Variants in CATSPERB observed in about 807,000 individuals in gnomAD.
CATSPERB encodes cation channel sperm-associated auxiliary subunit beta.
A neutral mutation model predicts 128.3 loss-of-function variants in CATSPERB; 93 were observed. That is an observed-to-expected ratio of 0.72 (90% CI 0.61 to 0.86). CATSPERB has a LOEUF of 0.86. CATSPERB is among the 40% of genes least tolerant of loss of function. CATSPERB has a pLI of 0.00. For missense variants in CATSPERB, 1,153 were observed against 1,329.5 expected (o/e 0.87, Z 2.06); for synonymous variants, 381 against 448.8 (o/e 0.85, Z 1.91).
At chr14:91,708,099 G>T (rs1566737103) in intron 6 of CATSPERB, 42 bp downstream of exon 6, 2 of 1,382,408 alleles carry the variant, frequency 1.4e-6, no homozygotes, top group Non-Finnish European at 1.0e-6. Flanking sequence ...TTTGTTGAAA[G>T]AATATATGAA....
rs184691573 is a variant in CATSPERB at position 91,632,256 on chromosome 14, C to T, written c.1742+4169G>A. On this transcript the variant is annotated intron_variant, in intron 17 of 26. Coordinates refer to ENST00000256343, the MANE Select transcript of CATSPERB (RefSeq NM_024764.4). ...GTTAAAGGATTGAAATAGTATACCA[C>T]GAAAATATTATCCAAAGAAGGCTGA... 2.4e-3 allele frequency among the ~76,000 whole-genome samples: 358 copies of T among 151,950 alleles called. 2 individuals carry two copies. The highest frequency in any genetic ancestry group is 7.9e-3 in the African/African-American group (327 of 41,454).
rs1233604116 is a variant in CATSPERB at position 91,603,071 on chromosome 14, C to T, written c.2709+5223G>A. 110 of 785,218 alleles carry T rather than the reference C, an allele frequency of 1.4e-4. 1 individual carries two copies. The East Asian group carries it at 2.6e-3, about 19-fold the overall frequency. 48.6% of individuals were successfully genotyped at this position (785,218 alleles called of 1,614,324 possible). A position where few individuals can be genotyped will look rare whatever the true frequency, so the allele number is the denominator to read the frequency against. ...GTCTTTTGCCTTTTTGGGTTTTGGGCCTGCTTTTTTACATTTATTTCTTGG... is the reference window on the plus strand; with the variant it reads ...GTCTTTTGCCTTTTTGGGTTTTGGGTCTGCTTTTTTACATTTATTTCTTGG... On this transcript the variant is annotated intron_variant, in intron 22 of 26. Transcript: ENST00000256343.
intron 15 of CATSPERB, among the ~76,000 whole-genome samples, chr14:91,655,545 A>T (rs1894772300): frequency 6.6e-6 from 1 of 152,246 alleles, no homozygotes; most frequent in African/African-American, 2.4e-5. Context: ...CAATTGACAT[A>T]CTGAAGAATT....
chr14:91,727,224 A>G (rs1345821007), intron 2 of CATSPERB, among the ~76,000 whole-genome samples: 1 of 152,168 alleles, frequency 6.6e-6, no homozygotes, highest in African/African-American at 2.4e-5. Context: ...TCTGTCTCCC[A>G]GGTAGTGAGC....
chr14:91,617,850 A>G lies in CATSPERB; in HGVS notation c.2261-114T>C, dbSNP rs1893972767. ...CAACTGAATCTATTCTGAAGGTTGCACAATGACTGCACATACAGTTAGCAA... is the reference window on the plus strand; with the variant it reads ...CAACTGAATCTATTCTGAAGGTTGCGCAATGACTGCACATACAGTTAGCAA... On this transcript the variant is annotated intron_variant, in intron 19 of 26. Transcript: ENST00000256343. 6.7e-6 allele frequency: 5 copies of G among 748,616 alleles called. No individual in the cohort carries two copies. The Admixed American group carries it at 1.5e-4, about 23-fold the overall frequency. 46.4% of individuals were successfully genotyped at this position (748,616 alleles called of 1,614,324 possible). A position where few individuals can be genotyped will look rare whatever the true frequency, so the allele number is the denominator to read the frequency against.
chr14:91,672,101 C>T (rs1463906485), intron 13 of CATSPERB, among the ~76,000 whole-genome samples: 1 of 152,104 alleles, frequency 6.6e-6, no homozygotes, highest in Non-Finnish European at 1.5e-5. Context: ...ACTGAGTTTC[C>T]CATGTGTGCA....
intron 11 of CATSPERB, 22 bp from the exon 12 acceptor site, chr14:91,674,244 A>C: frequency 6.8e-7 from 1 of 1,480,648 alleles, no homozygotes; most frequent in Non-Finnish European, 9.3e-7. Context: ...ATACAAGGGT[A>C]CAGGAATTAT....
intron 3 of CATSPERB, among the ~76,000 whole-genome samples, chr14:91,724,650 T>C (rs1896090655): frequency 6.6e-6 from 1 of 152,176 alleles, no homozygotes; most frequent in East Asian, 1.9e-4. Flanking sequence ...AAGTCTCCCA[T>C]TATTTGAATC....
chr14:91,719,469 GA>G lies in CATSPERB; in HGVS notation c.318del (p.Arg107GlyfsTer22). ...IFHFNLTLFSDRILWLVDIPR... is the reference protein window; with the variant it reads ...IFHFNLTLFSXRILWLVDIPR... ...GGAATATCAACCAACCACAAAATCCGATCACTGAACTTGAATAAAGAAGACA... is the reference window on the plus strand; with the variant it reads ...GGAATATCAACCAACCACAAAATCCGTCACTGAACTTGAATAAAGAAGACA... On this transcript the variant is annotated frameshift_variant, in exon 5 of 27. Coordinates refer to ENST00000256343, the MANE Select transcript of CATSPERB (RefSeq NM_024764.4). LOFTEE classifies it high-confidence loss of function. 6.2e-7 allele frequency: 1 copy of G among 1,610,114 alleles called. No homozygotes were observed. The highest frequency in any genetic ancestry group is 8.5e-7 in the Non-Finnish European group (1 of 1,177,860).
chr14:91,605,745 C>G lies in CATSPERB; in HGVS notation c.2709+2549G>C, dbSNP rs1430410155. On this transcript the variant is annotated intron_variant, in intron 22 of 26. Transcript: ENST00000256343. The stretch of plus-strand genomic sequence containing the variant: ...CTTTCCCCTCCTCTCTGTTACCACT[C>G]TCTCCTCCTTTGTTTGGTTAACCCC... Among the ~76,000 whole-genome samples, 10 of 152,268 alleles carry G rather than the reference C, an allele frequency of 6.6e-5. No individual in the cohort carries two copies. In the East Asian group the frequency reaches 1.3e-3, roughly 21 times the overall value.
intron 20 of CATSPERB, among the ~76,000 whole-genome samples, chr14:91,612,064 CTTCCTTTT>C (rs1451563459): frequency 2.5e-4 from 9 of 36,384 alleles, no homozygotes; most frequent in Middle Eastern, 0.019. Flanking sequence ...TTCTTTCTTT[CTTCCTTTT>C]TTTAAGAGAT....
At position 91,703,844 on chromosome 14, in the gene CATSPERB, T is replaced by C. The variant is rs576512865; in HGVS notation, c.616+708A>G. Reference sequence around the variant, plus strand: ...TTCTGTGAGTTGTGCTAGCAAATTATTGAACTCAAGGAAGGATTTGTGGGA... The same window carrying C: ...TTCTGTGAGTTGTGCTAGCAAATTACTGAACTCAAGGAAGGATTTGTGGGA... On this transcript the variant is annotated intron_variant, in intron 7 of 26. Transcript: ENST00000256343. Among the ~76,000 whole-genome samples, 7 of 152,292 alleles carry C rather than the reference T, an allele frequency of 4.6e-5. No homozygotes were observed. In the East Asian group the frequency reaches 1.4e-3, roughly 29 times the overall value.
At position 91,591,962 on chromosome 14, in the gene CATSPERB, C is replaced by T. The variant is rs755818856; in HGVS notation, c.2750G>A (p.Arg917Gln). 72 of 1,613,842 alleles carry T rather than the reference C, an allele frequency of 4.5e-5. No homozygotes were observed. The highest frequency in any genetic ancestry group is 2.1e-4 in the South Asian group (19 of 91,070). The change falls in exon 23 of 27, where the codon CGG (arginine) becomes CAG (glutamine). Residue 917 changes from arginine (R) to glutamine (Q), a missense_variant. Arg to Gln is a conservative substitution (Grantham distance 43, BLOSUM62 1). Transcript: ENST00000256343. ...KFKQCANVST[R>Q]EECNCTKDQK... ...ATCCTTTGTGCAGTTACACTCCTCCCGAGTGGAAACATTAGCACACTGTTT... is the reference window on the plus strand; with the variant it reads ...ATCCTTTGTGCAGTTACACTCCTCCTGAGTGGAAACATTAGCACACTGTTT...
chr14:91,670,971 C>T (rs1468305501), intron 13 of CATSPERB, among the ~76,000 whole-genome samples: 2 of 152,014 alleles, frequency 1.3e-5, no homozygotes, highest in Non-Finnish European at 1.5e-5. Context: ...CCACTGCACT[C>T]CAGCCTGGGT....
intron 5 of CATSPERB, among the ~76,000 whole-genome samples, chr14:91,717,056 C>G (rs556184854): frequency 6.6e-6 from 1 of 152,164 alleles, no homozygotes; most frequent in South Asian, 2.1e-4. Context: ...CCAACAAGAA[C>G]ACTAGAGAGA....
intron 17 of CATSPERB, among the ~76,000 whole-genome samples, chr14:91,629,514 C>T (rs1001393316): frequency 7.9e-5 from 12 of 152,224 alleles, no homozygotes; most frequent in Admixed American, 3.3e-4. Context: ...AATGTAGGTA[C>T]GTACGCTGGG....
rs1015991454 is a variant in CATSPERB at position 91,664,161 on chromosome 14, G to A, written c.1288-4180C>T. Among the ~76,000 whole-genome samples, 9 of 151,300 alleles carry A rather than the reference G, an allele frequency of 5.9e-5. 1 individual carries two copies. In the East Asian group the frequency reaches 1.5e-3, roughly 26 times the overall value. ...ATCTTCTTGCTGTCTCCATAGTTTT[G>A]CCTTTTCCAGAATGTCATATATTGG... On this transcript the variant is annotated intron_variant, in intron 14 of 26. Coordinates refer to ENST00000256343, the MANE Select transcript of CATSPERB (RefSeq NM_024764.4).
chr14:91,660,512 C>G (rs1335714027), intron 14 of CATSPERB, among the ~76,000 whole-genome samples: 2 of 152,162 alleles, frequency 1.3e-5, no homozygotes, highest in Non-Finnish European at 2.9e-5. Flanking sequence ...TAGTTTATTA[C>G]TATAGCATCT....
At chr14:91,610,213 T>C (rs963182992) in intron 21 of CATSPERB, among the ~76,000 whole-genome samples, 5 of 152,156 alleles carry the variant, frequency 3.3e-5, no homozygotes, top group South Asian at 2.1e-4. Context: ...TAGTTGAATA[T>C]ATCACAAAAG....
Sources: allele counts gnomAD v4.1 joint callset (sites outside exome capture counted in the v4.1 genomes callset), GRCh38; gene constraint gnomAD v4.1.1; transcripts MANE v1.5; gene names NCBI Gene and HGNC (gene_info 2026-07-23, HGNC 2026-07-21).